LEF1: variants seen among roughly 807,000 people sequenced by gnomAD.
The protein encoded by LEF1 is lymphoid enhancer-binding factor 1.
In LEF1, 14 loss-of-function variants were observed where a neutral mutation model predicts 51.2. The observed-to-expected ratio is 0.27, with a 90% CI of 0.18 to 0.43. The LOEUF (loss-of-function observed/expected upper bound fraction) is 0.43. Ranked by LOEUF, LEF1 falls within the 20% of genes least tolerant of loss-of-function variation. The pLI is 1.00. For missense variants in LEF1, 386 were observed against 512.0 expected, an observed-to-expected ratio of 0.75 and a Z score of 2.37; for synonymous variants, 185 against 183.2, an observed-to-expected ratio of 1.01 and a Z score of -0.08.
intron 11 of LEF1, 62 bp from the exon 12 acceptor site, chr4:108,048,813 C>A: frequency 4.3e-6 from 5 of 1,174,892 alleles, no homozygotes; most frequent in South Asian, 1.5e-5. Flanking sequence ...AAGATTATAA[C>A]CTCTATTCCA....
chr4:108,116,046 G>A (rs1046171647), intron 3 of LEF1, among the ~76,000 whole-genome samples: 3 of 152,156 alleles, frequency 2.0e-5, no homozygotes, highest in African/African-American at 7.2e-5. Flanking sequence ...TCAATTCCAA[G>A]TTAAGCTATA....
intron 11 of LEF1, among the ~76,000 whole-genome samples, chr4:108,054,220 C>G (rs1242333320): frequency 6.6e-6 from 1 of 152,176 alleles, no homozygotes; most frequent in African/African-American, 2.4e-5. Context: ...AACCTGTTTC[C>G]TCATCTGTAA....
chr4:108,121,227 T>C (rs1742162240), intron 3 of LEF1, among the ~76,000 whole-genome samples: 1 of 152,248 alleles, frequency 6.6e-6, no homozygotes, highest in African/African-American at 2.4e-5. Flanking sequence ...GAACTTCTAC[T>C]ACAGTTGGTG....
At chr4:108,090,177 A>C (rs1175735449) in intron 3 of LEF1, among the ~76,000 whole-genome samples, 1 of 152,050 alleles carries the variant, frequency 6.6e-6, no homozygotes, top group African/African-American at 2.4e-5. Flanking sequence ...ACAGGGTTTC[A>C]CTATATTGGC....
intron 4 of LEF1, 54 bp from the exon 5 acceptor site, chr4:108,083,500 G>C: frequency 1.8e-6 from 2 of 1,124,910 alleles, no homozygotes; most frequent in Non-Finnish European, 2.6e-6. Flanking sequence ...TATTTAACCA[G>C]AAATGCAACT....
intron 3 of LEF1, among the ~76,000 whole-genome samples, chr4:108,147,873 G>A (rs1227052833): frequency 6.6e-6 from 1 of 152,190 alleles, no homozygotes; most frequent in African/African-American, 2.4e-5. Context: ...GGCTAATCCT[G>A]GATTTGGGCT....
chr4:108,102,016 G>A (rs1163018926), intron 3 of LEF1, among the ~76,000 whole-genome samples: 1 of 148,512 alleles, frequency 6.7e-6, no homozygotes, highest in Admixed American at 6.8e-5. Context: ...AGCCAAGATA[G>A]CACACCATTG....
chr4:108,108,389 C>A (rs139630013), intron 3 of LEF1, among the ~76,000 whole-genome samples: 257 of 152,238 alleles, frequency 1.7e-3, no homozygotes, highest in African/African-American at 5.8e-3. Flanking sequence ...TTGACTCACT[C>A]GTAGTATACC....
intron 3 of LEF1, among the ~76,000 whole-genome samples, chr4:108,133,483 C>T (rs17038627): frequency 1.3e-5 from 2 of 152,216 alleles, no homozygotes; most frequent in Admixed American, 1.3e-4. Flanking sequence ...TGGGCCAGGG[C>T]TGTAAGCTCA....
At chr4:108,116,869 C>T (rs938947666) in intron 3 of LEF1, among the ~76,000 whole-genome samples, 2 of 152,180 alleles carry the variant, frequency 1.3e-5, no homozygotes, top group Non-Finnish European at 2.9e-5. Context: ...TATTAGAGTG[C>T]CAAGAACAGT....
At chr4:108,059,548 C>A (rs1004887173) in intron 11 of LEF1, among the ~76,000 whole-genome samples, 1 of 151,994 alleles carries the variant, frequency 6.6e-6, no homozygotes, top group African/African-American at 2.4e-5. Context: ...AAACTCCTAC[C>A]CTCAAGTGAT....
At chr4:108,080,670 T>C (rs1183210571) in intron 6 of LEF1, among the ~76,000 whole-genome samples, 1 of 152,122 alleles carries the variant, frequency 6.6e-6, no homozygotes, top group Non-Finnish European at 1.5e-5. Context: ...AGTATAAAAA[T>C]ATGTTTTAAG....
intron 3 of LEF1, among the ~76,000 whole-genome samples, chr4:108,146,188 C>T (rs887304097): frequency 6.6e-6 from 1 of 152,174 alleles, no homozygotes; most frequent in Admixed American, 6.5e-5. Flanking sequence ...CACGTAGCGA[C>T]CTTGTGACTT....
chr4:108,158,434 G>C (rs1033941939), intron 3 of LEF1, among the ~76,000 whole-genome samples: 9 of 151,834 alleles, frequency 5.9e-5, no homozygotes, highest in African/African-American at 1.9e-4. Flanking sequence ...GAGAGAGAGA[G>C]AGCGCGCAAC....
At chr4:108,104,383 T>C (rs1410853368) in intron 3 of LEF1, among the ~76,000 whole-genome samples, 1 of 150,390 alleles carries the variant, frequency 6.6e-6, no homozygotes, top group Non-Finnish European at 1.5e-5. Context: ...AATTTTACTT[T>C]ATACAGAAGG....
intron 3 of LEF1, among the ~76,000 whole-genome samples, chr4:108,160,398 C>T (rs946656143): frequency 6.6e-6 from 1 of 152,216 alleles, no homozygotes; most frequent in Non-Finnish European, 1.5e-5. Context: ...GCTTCTGCAT[C>T]TTCTCTTCAC....
intron 3 of LEF1, among the ~76,000 whole-genome samples, chr4:108,158,574 C>T (rs578083650): frequency 1.3e-5 from 2 of 151,950 alleles, no homozygotes; most frequent in Non-Finnish European, 2.9e-5. Context: ...AAGTCTTTTA[C>T]CAAAATCAAA....
intron 3 of LEF1, among the ~76,000 whole-genome samples, chr4:108,154,824 A>T (rs775318351): frequency 6.6e-6 from 1 of 152,158 alleles, no homozygotes; most frequent in Non-Finnish European, 1.5e-5. Flanking sequence ...GGGATCCTGT[A>T]CAAAGAAAGC....
Position 108,075,532 on chromosome 4 carries a change from G to A in LEF1, c.1008+2688C>T, listed in dbSNP as rs118026708. On this transcript the variant is annotated intron_variant, in intron 8 of 11. Coordinates refer to ENST00000265165, the MANE Select transcript of LEF1 (RefSeq NM_016269.5). ...TCACAAATTAAGAGGCTACCACACAGATATGAAGAGCATCAACAAATTAAG... is the reference window on the plus strand; with the variant it reads ...TCACAAATTAAGAGGCTACCACACAAATATGAAGAGCATCAACAAATTAAG... The A allele has an allele frequency of 6.0e-4, 92 of 152,254 alleles. No homozygotes were observed. The East Asian group carries it at 0.017, about 28-fold the overall frequency. The allele number at this position is 152,254 out of a possible 1,614,324, so 9.4% of individuals were successfully genotyped here.
Sources: allele counts gnomAD v4.1 joint callset (sites outside exome capture counted in the v4.1 genomes callset), GRCh38; gene constraint gnomAD v4.1.1; transcripts MANE v1.5; gene names NCBI Gene and HGNC (gene_info 2026-07-23, HGNC 2026-07-21).